The following TNC variants were observed in gnomAD, a reference collection of about 807,000 sequenced individuals.
TNC encodes tenascin C, also known as tenascin.
TNC carries 109 observed loss-of-function variants against 202.4 expected under a neutral mutation model. That is an observed-to-expected ratio of 0.54 (90% CI 0.46 to 0.63). The LOEUF is 0.63. Ranked by LOEUF, TNC falls within the 30% of genes least tolerant of loss-of-function variation. The pLI, the probability that TNC is intolerant of heterozygous loss-of-function variation, is 0.00. For missense variants in TNC, 2,756 were observed against 2,833.3 expected, an observed-to-expected ratio of 0.97 and a Z score of 0.62; for synonymous variants, 1,007 against 1,089.7, an observed-to-expected ratio of 0.92 and a Z score of 1.50.
intron 10 of TNC, among the ~76,000 whole-genome samples, chr9:115,069,461 T>G: frequency 6.7e-6 from 1 of 148,548 alleles, no homozygotes; most frequent in Admixed American, 6.7e-5. Flanking sequence ...GGGAGGAGAA[T>G]AGAGTGGAGG....
chr9:115,076,112 G>C lies in TNC; in HGVS notation c.2870C>G (p.Pro957Arg). The C allele has an allele frequency of 6.2e-7, 1 of 1,613,924 alleles. No individual in the cohort carries two copies. The highest frequency in any genetic ancestry group is 8.5e-7 in the Non-Finnish European group (1 of 1,179,882). Residue 957 changes from proline to arginine, a missense_variant, in exon 9 of 28, where the codon CCG (proline) becomes CGG (arginine). Pro to Arg is a moderately radical substitution (Grantham distance 103). Coordinates refer to ENST00000350763, the MANE Select transcript of TNC (RefSeq NM_002160.4). ...TTKTTLTGLR[P>R]GTEYGIGVSA... ...AACTCCAATCCCATATTCAGTTCCC[G>C]GCCTCAGACCTAAGGAGAGAATGTG...
chr9:115,103,212 G>C (rs1215290054), intron 1 of TNC, among the ~76,000 whole-genome samples: 2 of 152,134 alleles, frequency 1.3e-5, no homozygotes, highest in East Asian at 1.9e-4. Flanking sequence ...TCTACTTTGA[G>C]ACAAGATTTC....
At chr9:115,049,198 T>C (rs192520463) in intron 15 of TNC, among the ~76,000 whole-genome samples, 4 of 152,294 alleles carry the variant, frequency 2.6e-5, no homozygotes, top group African/African-American at 2.4e-5. Flanking sequence ...TGGGTCTTAG[T>C]AAATTCTGTC....
chr9:115,113,822 T>C (rs1564163690), intron 1 of TNC, among the ~76,000 whole-genome samples: 1 of 152,200 alleles, frequency 6.6e-6, no homozygotes, highest in Non-Finnish European at 1.5e-5. Flanking sequence ...GCTTTTGACT[T>C]GGGCATTTTG....
chr9:115,077,300 C>A (rs1434597308), intron 7 of TNC, among the ~76,000 whole-genome samples: 1 of 129,088 alleles, frequency 7.7e-6, no homozygotes, highest in Non-Finnish European at 1.9e-5. Context: ...TCGTGATTCG[C>A]CCGCCTTGGC....
intron 19 of TNC, among the ~76,000 whole-genome samples, chr9:115,040,196 T>A (rs62578745): frequency 0.035 from 5,372 of 152,314 alleles, 136 homozygotes; most frequent in South Asian, 0.079. Flanking sequence ...GAGTTTGGAG[T>A]CAGACCGACC....
Position 115,048,244 on chromosome 9 carries a change from A to G in TNC, c.4852+16T>C, listed in dbSNP as rs960064142. The G allele has an allele frequency of 3.1e-6, 5 of 1,609,468 alleles. No individual in the cohort carries two copies. The highest frequency in any genetic ancestry group is 3.4e-6 in the Non-Finnish European group (4 of 1,177,058). On this transcript the variant is annotated intron_variant, in intron 16 of 27. Transcript: ENST00000350763. ...GACCAGGAAGAGGAACAAATGGCTC[A>G]CTTGATTTGAAATACCTGTAACAAT...
intron 1 of TNC, among the ~76,000 whole-genome samples, chr9:115,097,123 G>A (rs951545564): frequency 7.2e-5 from 11 of 152,158 alleles, no homozygotes; most frequent in Admixed American, 4.6e-4. Context: ...TTGCGTGTGG[G>A]GGAAAGAGTC....
intron 17 of TNC, among the ~76,000 whole-genome samples, chr9:115,043,904 A>G (rs1830969397): frequency 6.6e-6 from 1 of 152,242 alleles, no homozygotes; most frequent in Admixed American, 6.5e-5. Flanking sequence ...AATAGCTAAT[A>G]TGGTTACTGT....
At chr9:115,053,004 G>A in intron 15 of TNC, 1 of 699,110 alleles carries the variant, frequency 1.4e-6, no homozygotes, top group Non-Finnish European at 2.6e-6. Context: ...GTGCCCAACT[G>A]TGGCTTTGGT....
At chr9:115,059,635 G>T in intron 14 of TNC, 95 bp downstream of exon 14, 1 of 1,318,198 alleles carries the variant, frequency 7.6e-7, no homozygotes, top group South Asian at 1.5e-5. Context: ...ACATGAAAAG[G>T]ATTCAGTTAT....
chr9:115,046,806 C>T, intron 16 of TNC, 124 bp from the exon 17 acceptor site: 3 of 1,079,110 alleles, frequency 2.8e-6, no homozygotes, highest in Non-Finnish European at 4.0e-6. Context: ...ATAGAAGTGT[C>T]CTGAGATACC....
rs1200417247 is a variant in TNC at position 115,084,357 on chromosome 9, C to T, written c.1983G>A (p.Glu661=). The T allele has an allele frequency of 6.2e-7, 1 of 1,614,076 alleles. No homozygotes were observed. Among genetic ancestry groups the T allele is most frequent in the Non-Finnish European group, 8.5e-7 (1 of 1,180,042 alleles). ...EYLVVYTPTH[E]GGLEMQFRVP... is the part of the protein sequence containing the mutation. Reference sequence around the variant, plus strand: ...CACGGAACTGCATTTCCAGACCACCCTCGTGGGTGGGCGTGTACACGACAA... The same window carrying T: ...CACGGAACTGCATTTCCAGACCACCTTCGTGGGTGGGCGTGTACACGACAA... The change falls in exon 4 of 28, where the codon GAG becomes GAA. Residue 661 remains glutamate, a synonymous_variant. Transcript: ENST00000350763.
At position 115,048,530 on chromosome 9, in the gene TNC, C is replaced by A. The variant is rs960533141; in HGVS notation, c.4582G>T (p.Ala1528Ser). Residue 1528 changes from alanine (A) to serine (S), a missense_variant and splice_region_variant, in exon 16 of 28, where the codon GCC (alanine) becomes TCC (serine). Transcript: ENST00000350763. Reference protein sequence around the residue: ...KTISATATTEALPLLENLTIS... With the variant: ...KTISATATTESLPLLENLTIS... ...GTTAGGTTTTCCAGAAGGGGCAGGG[C>A]CTCTGAAAGAAGGGAGGAGTGAAAA... 2.3e-5 allele frequency: 37 copies of A among 1,609,738 alleles called. No homozygotes were observed. The highest frequency in any genetic ancestry group is 3.1e-5 in the Non-Finnish European group (36 of 1,178,410).
At position 115,064,005 on chromosome 9, in the gene TNC, T is replaced by C. The variant is rs758358691; in HGVS notation, c.3551A>G (p.Asn1184Ser). 1.2e-6 allele frequency: 2 copies of C among 1,614,014 alleles called. No homozygotes were observed. Among genetic ancestry groups the C allele is most frequent in the South Asian group, 1.1e-5 (1 of 91,060 alleles). Reference sequence around the variant, plus strand: ...ATAGGCCCCTTCTGGAGCAGTCCAGTTGAGTTTGAGGGCATCCCAGCCCAC... The same window carrying C: ...ATAGGCCCCTTCTGGAGCAGTCCAGCTGAGTTTGAGGGCATCCCAGCCCAC... Reference protein sequence around the residue: ...AEVGWDALKLNWTAPEGAYEY... With the variant: ...AEVGWDALKLSWTAPEGAYEY... The change falls in exon 12 of 28, where the codon AAC becomes AGC. Residue 1184 changes from asparagine (N) to serine (S), a missense_variant. Physicochemically the swap from Asn to Ser is conservative, Grantham distance 46. Around this residue, in one of 2 missense-constraint regions of TNC, gnomAD observed 2,559 missense variants for 2,546.0 expected, o/e 1.01. Coordinates refer to ENST00000350763, the MANE Select transcript of TNC (RefSeq NM_002160.4).
intron 1 of TNC, chr9:115,112,547 CG>C (rs1837158029): frequency 6.6e-6 from 1 of 152,036 alleles, no homozygotes; most frequent in Non-Finnish European, 1.5e-5. Flanking sequence ...AGAGGCTGCC[CG>C]TAAGCCCTTT....
chr9:115,090,332 C>A (rs1009675701), intron 2 of TNC, among the ~76,000 whole-genome samples: 6 of 152,180 alleles, frequency 3.9e-5, no homozygotes, highest in African/African-American at 1.4e-4. Context: ...CAGGACTTAT[C>A]AGAAGCCTGA....
intron 9 of TNC, among the ~76,000 whole-genome samples, chr9:115,075,477 T>C (rs2133110013): frequency 6.6e-6 from 1 of 152,094 alleles, no homozygotes; most frequent in Non-Finnish European, 1.5e-5. Flanking sequence ...TTACAAAGCC[T>C]GGTTCCAATT....
chr9:115,097,256 CAT>C (rs1835866574), intron 1 of TNC, among the ~76,000 whole-genome samples: 1 of 152,186 alleles, frequency 6.6e-6, no homozygotes, highest in Admixed American at 6.5e-5. Flanking sequence ...CCTGGAGATA[CAT>C]ATGTCTATCT....
Sources: gnomAD v4.1 joint callset for allele counts (sites outside exome capture counted in the v4.1 genomes callset) on GRCh38, gnomAD v4.1.1 for gene constraint, gnomAD v4.1.1 regional missense constraint, MANE v1.5 for transcripts, NCBI Gene and HGNC (gene_info 2026-07-23, HGNC 2026-07-21) for gene names.